ADGRL3: variants seen among roughly 807,000 people sequenced by gnomAD.
The protein encoded by ADGRL3 is adhesion G protein-coupled receptor L3, also known as calcium-independent alpha-latrotoxin receptor 3.
In ADGRL3, 62 loss-of-function variants were observed where a neutral mutation model predicts 153.5. The observed-to-expected ratio is 0.40, with a 90% CI of 0.33 to 0.50. The LOEUF (loss-of-function observed/expected upper bound fraction) is 0.50, where lower values mean the gene tolerates loss of function less well. ADGRL3 is among the 20% of genes least tolerant of loss of function. The probability of loss-of-function intolerance (pLI) is 0.47; values close to 1 mark genes in which losing one functional copy is unlikely to be tolerated. For synonymous variants in ADGRL3, 710 were observed against 672.5 expected (o/e 1.06, Z -0.86); for missense variants, 1,641 against 1,859.4 (o/e 0.88, Z 2.16).
intron 1 of ADGRL3, among the ~76,000 whole-genome samples, chr4:61,300,764 C>CTTTTTTTTTTTTT (rs1304409504): frequency 9.0e-6 from 1 of 111,496 alleles, no homozygotes; most frequent in African/African-American, 2.9e-5. Flanking sequence ...TCTTTTCTTT[C>CTTTTTTTTTTTTT]TTTCTTTTTT....
intron 1 of ADGRL3, among the ~76,000 whole-genome samples, chr4:61,370,107 G>T (rs1430494761): frequency 6.6e-6 from 1 of 152,050 alleles, no homozygotes; most frequent in Non-Finnish European, 1.5e-5. Context: ...GCGTCTATTT[G>T]ATTCTTCTCT....
chr4:61,483,330 T>C (rs754701372), intron 2 of ADGRL3, among the ~76,000 whole-genome samples: 1 of 152,234 alleles, frequency 6.6e-6, no homozygotes, highest in Non-Finnish European at 1.5e-5. Context: ...TGTGATGCCA[T>C]TGATTTTACC....
At chr4:61,376,120 C>A (rs1269275082) in intron 1 of ADGRL3, among the ~76,000 whole-genome samples, 1 of 152,018 alleles carries the variant, frequency 6.6e-6, no homozygotes, top group African/African-American at 2.4e-5. Flanking sequence ...TTGTTTTGAA[C>A]TGTTTTGTCA....
intron 8 of ADGRL3, among the ~76,000 whole-genome samples, chr4:61,775,133 C>T (rs2097132505): frequency 6.6e-6 from 1 of 152,046 alleles, no homozygotes; most frequent in Admixed American, 6.6e-5. Flanking sequence ...TTTGGGGCAG[C>T]ATATTCTGCT....
intron 5 of ADGRL3, among the ~76,000 whole-genome samples, chr4:61,595,997 A>G (rs911711589): frequency 1.3e-5 from 2 of 152,078 alleles, no homozygotes; most frequent in Non-Finnish European, 2.9e-5. Flanking sequence ...AAGTGCACAA[A>G]TACTCTCTCT....
At chr4:61,284,008 A>C (rs1464736575) in intron 1 of ADGRL3, among the ~76,000 whole-genome samples, 1 of 152,004 alleles carries the variant, frequency 6.6e-6, no homozygotes, top group Non-Finnish European at 1.5e-5. Context: ...ACAAGGTTGT[A>C]GTCCTTGTGT....
At chr4:61,475,023 A>C (rs984869205) in intron 2 of ADGRL3, among the ~76,000 whole-genome samples, 4 of 152,132 alleles carry the variant, frequency 2.6e-5, no homozygotes. Context: ...ATAACAATCA[A>C]TTAAACCATT....
chr4:61,298,729 T>G (rs1021903272), intron 1 of ADGRL3, among the ~76,000 whole-genome samples: 4 of 152,322 alleles, frequency 2.6e-5, no homozygotes, highest in Admixed American at 1.3e-4. Context: ...AAAAATTAAT[T>G]ACTTATATTC....
chr4:61,758,582 A>T (rs4623040), intron 8 of ADGRL3, among the ~76,000 whole-genome samples: 88,599 of 151,900 alleles, frequency 0.58, 28,356 homozygotes, highest in African/African-American at 0.84. Context: ...TCTCTGCATA[A>T]GAGATGGGTT....
intron 6 of ADGRL3, among the ~76,000 whole-genome samples, chr4:61,705,398 T>G (rs918831849): frequency 3.3e-5 from 5 of 149,806 alleles, no homozygotes; most frequent in African/African-American, 1.2e-4. Flanking sequence ...TGATACATAT[T>G]ATTTATATAT....
chr4:61,213,736 A>G (rs937727402), intron 1 of ADGRL3, among the ~76,000 whole-genome samples: 1 of 152,120 alleles, frequency 6.6e-6, no homozygotes, highest in African/African-American at 2.4e-5. Context: ...AATATTTCGT[A>G]ATGTAGACAT....
At chr4:61,743,343 A>T (rs112259305) in intron 8 of ADGRL3, among the ~76,000 whole-genome samples, 5 of 149,460 alleles carry the variant, frequency 3.3e-5, no homozygotes, top group Admixed American at 3.3e-4. Flanking sequence ...AAAAAAAAAA[A>T]AAAGAAAAGA....
chr4:61,958,753 C>T (rs62304443), intron 17 of ADGRL3, among the ~76,000 whole-genome samples: 1 of 152,082 alleles, frequency 6.6e-6, no homozygotes, highest in South Asian at 2.1e-4. Flanking sequence ...CTGGTCACTC[C>T]CGCCACACAG....
Position 61,497,259 on chromosome 4 carries a change from T to C in ADGRL3, c.-35T>C. 1 of 1,397,196 alleles carries C rather than the reference T, an allele frequency of 7.2e-7. No individual in the cohort carries two copies. Among genetic ancestry groups the C allele is most frequent in the Non-Finnish European group, 1.0e-6 (1 of 993,022 alleles). The allele number at this position is 1,397,196 out of a possible 1,614,324, so 86.5% of individuals were successfully genotyped here. ...ATTTTGTTTCACATTTGAACAGTCA[T>C]TCTTGAGGAATACTCCATACCTGAG... On this transcript the variant is annotated 5_prime_UTR_variant, in exon 3 of 27. Coordinates refer to ENST00000683033, the MANE Select transcript of ADGRL3 (RefSeq NM_001387552.1).
rs550376986 is a variant in ADGRL3 at position 61,898,726 on chromosome 4, C to A, written c.1887+2892C>A. On this transcript the variant is annotated intron_variant, in intron 11 of 26. Transcript: ENST00000683033. ...CTCCAACTCCCAGGTTCAAGCAATT[C>A]TCTTGCCTCAGCTTCCTGAAGCTGG... 8.6e-5 allele frequency among the ~76,000 whole-genome samples: 13 copies of A among 151,952 alleles called. No homozygotes were observed. The East Asian group carries it at 2.5e-3, about 30-fold the overall frequency.
chr4:61,306,112 T>G (rs1272144950), intron 1 of ADGRL3, among the ~76,000 whole-genome samples: 2 of 152,010 alleles, frequency 1.3e-5, no homozygotes, highest in African/African-American at 2.4e-5. Flanking sequence ...AATTAATTTT[T>G]TTTGAGACAG....
chr4:61,498,626 A>G (rs1421115225), intron 3 of ADGRL3, among the ~76,000 whole-genome samples: 3 of 152,180 alleles, frequency 2.0e-5, no homozygotes, highest in Non-Finnish European at 4.4e-5. Flanking sequence ...AGGTGTGATT[A>G]TGGAAACATG....
chr4:61,694,553 C>A (rs1213681534), intron 6 of ADGRL3, among the ~76,000 whole-genome samples: 6 of 152,306 alleles, frequency 3.9e-5, no homozygotes, highest in Admixed American at 3.9e-4. Context: ...TAACCATCAT[C>A]TGAGCCTTCA....
chr4:61,848,332 T>C (rs768172190), intron 9 of ADGRL3, among the ~76,000 whole-genome samples: 30 of 150,978 alleles, frequency 2.0e-4, no homozygotes, highest in Non-Finnish European at 4.1e-4. Flanking sequence ...CTCTGAAGCC[T>C]CTAGGGTAGG....
Sources: allele counts gnomAD v4.1 joint callset (sites outside exome capture counted in the v4.1 genomes callset), GRCh38; gene constraint gnomAD v4.1.1; transcripts MANE v1.5; gene names NCBI Gene and HGNC (gene_info 2026-07-23, HGNC 2026-07-21).